The following MTMR8 variants were observed in gnomAD, a reference collection of about 807,000 sequenced individuals.
The protein encoded by MTMR8 is myotubularin related protein 8, also known as phosphatidylinositol-3,5-bisphosphate 3-phosphatase MTMR8.
A neutral mutation model predicts 39.3 loss-of-function variants in MTMR8; 65 were observed. That is an observed-to-expected ratio of 1.65 (90% CI 1.35 to 2.03). MTMR8 has a LOEUF of 2.03. MTMR8 is among the 30% of genes most tolerant of loss of function. The pLI, the probability that MTMR8 is intolerant of heterozygous loss-of-function variation, is 0.00. For missense variants in MTMR8, 777 were observed against 538.9 expected (o/e 1.44, Z -4.37); for synonymous variants, 245 against 185.2 (o/e 1.32, Z -2.62).
chrX:64,337,991 T>C (rs1283079709), intron 8 of MTMR8, among the ~76,000 whole-genome samples: 1 of 111,739 alleles, frequency 8.9e-6, no homozygotes, highest in Admixed American at 9.5e-5. Flanking sequence ...GTGCCAGGTA[T>C]TAGAAATACA....
chrX:64,280,567 T>G (rs1470545981), intron 12 of MTMR8, among the ~76,000 whole-genome samples: 2 of 111,534 alleles, frequency 1.8e-5, no homozygotes, highest in Non-Finnish European at 3.8e-5. Flanking sequence ...AGGAGTTATT[T>G]ATGACAAACC....
At position 64,356,310 on chromosome X, in the gene MTMR8, T is replaced by G; in HGVS notation, c.176A>C (p.Glu59Ala). 1 of 1,206,679 alleles carries G rather than the reference T, an allele frequency of 8.3e-7. No homozygotes were observed. The highest frequency in any genetic ancestry group is 1.1e-6 in the Non-Finnish European group (1 of 893,954). Residue 59 changes from glutamate to alanine, a missense_variant, in exon 3 of 14, where the codon GAG becomes GCG. Transcript: ENST00000374852. ...ACCCAGGCTAGTGATGGGTAACTTC[T>G]CCACAGTGGCAATGTGATGGAGTGC... ...WIALHHIATVEKLPITSLGCP... is the reference protein window; with the variant it reads ...WIALHHIATVAKLPITSLGCP...
chrX:64,362,729 T>A (rs1923826489), intron 1 of MTMR8, among the ~76,000 whole-genome samples: 1 of 110,257 alleles, frequency 9.1e-6, no homozygotes, highest in Non-Finnish European at 1.9e-5. Context: ...AACTCTTACA[T>A]AAAATATAAA....
chrX:64,306,451 G>T (rs746360172), intron 12 of MTMR8: 3 of 153,304 alleles, frequency 2.0e-5, no homozygotes, highest in Non-Finnish European at 3.9e-5. Context: ...ACTGGACAAA[G>T]CTTCCTAGCA....
At chrX:64,287,604 C>G (rs1281606657) in intron 12 of MTMR8, among the ~76,000 whole-genome samples, 11 of 110,398 alleles carry the variant, frequency 1.0e-4, no homozygotes, top group Non-Finnish European at 1.3e-4. Flanking sequence ...CATGGTACTG[C>G]TACCAAAACA....
intron 8 of MTMR8, 59 bp from the exon 9 acceptor site, chrX:64,337,452 A>AAC: frequency 8.6e-7 from 1 of 1,158,614 alleles, no homozygotes; most frequent in South Asian, 1.9e-5. Flanking sequence ...TTGTTGGATT[A>AAC]AAGAGTTGCC....
intron 12 of MTMR8, among the ~76,000 whole-genome samples, chrX:64,274,314 G>GT (rs1386689253): frequency 2.7e-5 from 3 of 111,988 alleles, no homozygotes; most frequent in African/African-American, 9.7e-5. Context: ...AACTTGTAAA[G>GT]TTAAAACATA....
At chrX:64,307,336 A>G (rs1289082494) in intron 12 of MTMR8, among the ~76,000 whole-genome samples, 1 of 111,940 alleles carries the variant, frequency 8.9e-6, no homozygotes, top group African/African-American at 3.2e-5. Context: ...TTTCTTCTAA[A>G]AGATTTATAG....
At chrX:64,278,005 C>A (rs1215533108) in intron 12 of MTMR8, among the ~76,000 whole-genome samples, 2 of 108,566 alleles carry the variant, frequency 1.8e-5, no homozygotes, top group African/African-American at 6.7e-5. Flanking sequence ...ATCTTTTCTT[C>A]TGCTTGGTCA....
Position 64,349,989 on chromosome X carries a change from T to G in MTMR8, c.550A>C (p.Ser184Arg). Residue 184 changes from serine to arginine, a missense_variant, in exon 5 of 14, where the codon AGT becomes CGT. Transcript: ENST00000374852. ...GAGAGCACAGGGACACGTTCTTTACTTCTGAACTTTGAACTTCCAACCACC... is the reference window on the plus strand; with the variant it reads ...GAGAGCACAGGGACACGTTCTTTACGTCTGAACTTTGAACTTCCAACCACC... ...GTVVGSSKFR[S>R]KERVPVLSYL... is the part of the protein sequence containing the mutation. 1.7e-6 allele frequency: 2 copies of G among 1,198,397 alleles called. No homozygotes were observed. The highest frequency in any genetic ancestry group is 2.3e-6 in the Non-Finnish European group (2 of 887,957).
In MTMR8 at chrX:64,271,013, T is replaced by C; in HGVS notation, c.1542A>G (p.Leu514=). The change falls in exon 13 of 14, where the codon CTA becomes CTG. Residue 514 remains leucine, a synonymous_variant. Coordinates refer to ENST00000374852, the MANE Select transcript of MTMR8 (RefSeq NM_017677.4). ...GTTTCTTAATTTCCAGGAGGCTCTC[T>C]AGCATACTCTGCTTGGGCTGCAGCC... ...DKGLQPKQSM[L]ESLLEIKKQR... 1 of 1,209,484 alleles carries C rather than the reference T, an allele frequency of 8.3e-7. No individual in the cohort carries two copies. The highest frequency in any genetic ancestry group is 1.1e-6 in the Non-Finnish European group (1 of 894,222).
intron 1 of MTMR8, among the ~76,000 whole-genome samples, chrX:64,389,140 A>G (rs956089928): frequency 1.8e-5 from 2 of 111,934 alleles, no homozygotes; most frequent in Non-Finnish European, 1.9e-5. Context: ...TAAATATGTA[A>G]TACTTACATA....
At chrX:64,279,706 A>T (rs1349452696) in intron 12 of MTMR8, among the ~76,000 whole-genome samples, 1 of 111,947 alleles carries the variant, frequency 8.9e-6, no homozygotes, top group Non-Finnish European at 1.9e-5. Flanking sequence ...ACAAAGTTGG[A>T]GGTCACACAC....
intron 1 of MTMR8, among the ~76,000 whole-genome samples, chrX:64,392,987 G>C (rs891107319): frequency 1.8e-5 from 2 of 111,715 alleles, no homozygotes; most frequent in African/African-American, 6.5e-5. Context: ...TACCACCTGT[G>C]GGCACTCACA....
At chrX:64,282,205 C>T (rs1442886746) in intron 12 of MTMR8, among the ~76,000 whole-genome samples, 1 of 111,390 alleles carries the variant, frequency 9.0e-6, no homozygotes, top group Non-Finnish European at 1.9e-5. Flanking sequence ...TTTGACCCAG[C>T]AATGCCATTA....
chrX:64,349,028 C>CA (rs1301075116), intron 5 of MTMR8, among the ~76,000 whole-genome samples: 2 of 110,708 alleles, frequency 1.8e-5, no homozygotes, highest in Admixed American at 9.6e-5. Flanking sequence ...AATCAGACTA[C>CA]AAAAAAAATC....
intron 12 of MTMR8, among the ~76,000 whole-genome samples, chrX:64,322,321 G>C (rs1175099840): frequency 9.0e-6 from 1 of 110,896 alleles, no homozygotes; most frequent in Non-Finnish European, 1.9e-5. Flanking sequence ...TTTTGTTGAG[G>C]ATTTTTGCAT....
intron 12 of MTMR8, among the ~76,000 whole-genome samples, chrX:64,291,391 C>T (rs1448789678): frequency 1.8e-5 from 2 of 110,796 alleles, no homozygotes; most frequent in African/African-American, 6.6e-5. Flanking sequence ...TGACATGCTG[C>T]CTAGTCATCT....
At chrX:64,364,982 C>T (rs952640620) in intron 1 of MTMR8, among the ~76,000 whole-genome samples, 9 of 110,999 alleles carry the variant, frequency 8.1e-5, no homozygotes, top group South Asian at 7.8e-4. Context: ...CTTCAATAGC[C>T]GATTCGATCA....
Sources: allele counts gnomAD v4.1 joint callset (sites outside exome capture counted in the v4.1 genomes callset), GRCh38; gene constraint gnomAD v4.1.1; transcripts MANE v1.5; gene names NCBI Gene and HGNC (gene_info 2026-07-23, HGNC 2026-07-21).